TMPRSS7: variants seen among roughly 807,000 people sequenced by gnomAD.
The protein encoded by TMPRSS7 is transmembrane protease serine 7.
A neutral mutation model predicts 95.6 loss-of-function variants in TMPRSS7; 81 were observed. That is an observed-to-expected ratio of 0.85 (90% CI 0.71 to 1.02). The LOEUF (loss-of-function observed/expected upper bound fraction) is 1.02. TMPRSS7 is among the 50% of genes least tolerant of loss of function. TMPRSS7 has a pLI of 0.00. For missense variants in TMPRSS7, 945 were observed against 955.2 expected, an observed-to-expected ratio of 0.99 and a Z score of 0.14; for synonymous variants, 364 against 337.8, an observed-to-expected ratio of 1.08 and a Z score of -0.85.
exon 2 of TMPRSS7, chr3:112,038,292 T>C (rs373934808): frequency 1.7e-5 from 12 of 702,894 alleles, no homozygotes; most frequent in East Asian, 1.3e-4. Context: ...CTAGCAGTCA[T>C]AGCCTGGACA....
intron 13 of TMPRSS7, among the ~76,000 whole-genome samples, chr3:112,068,744 A>C (rs1260412800): frequency 6.6e-6 from 1 of 152,126 alleles, no homozygotes; most frequent in Non-Finnish European, 1.5e-5. Flanking sequence ...GGGTTTTCTA[A>C]ATATACAATC....
exon 11 of TMPRSS7, chr3:112,061,837 C>G (rs976411967): frequency 6.2e-7 from 1 of 1,612,948 alleles, no homozygotes; most frequent in Non-Finnish European, 8.5e-7. Flanking sequence ...GTGCCCAGCC[C>G]TCTGGTTCAC....
At chr3:112,052,924 G>T (rs1024374366) in intron 9 of TMPRSS7, among the ~76,000 whole-genome samples, 1 of 139,110 alleles carries the variant, frequency 7.2e-6, no homozygotes, top group South Asian at 2.3e-4. Context: ...AAATGCTGAA[G>T]AAAAAAAAAA....
intron 9 of TMPRSS7, among the ~76,000 whole-genome samples, chr3:112,054,306 G>T (rs2073402766): frequency 6.6e-6 from 1 of 152,292 alleles, no homozygotes; most frequent in Non-Finnish European, 1.5e-5. Flanking sequence ...CTTGATTAAA[G>T]TTCCCAATGC....
intron 9 of TMPRSS7, among the ~76,000 whole-genome samples, chr3:112,054,906 A>C (rs909625948): frequency 6.6e-6 from 1 of 151,392 alleles, no homozygotes; most frequent in East Asian, 2.0e-4. Context: ...AGTCCAGCTA[A>C]TTTTTTCTAT....
intron 15 of TMPRSS7, 112 bp from the exon 16 acceptor site, chr3:112,076,764 C>A: frequency 7.8e-7 from 1 of 1,274,620 alleles, no homozygotes; most frequent in East Asian, 2.3e-5. Flanking sequence ...TATAATAACA[C>A]CCTGGAAGTC....
intron 9 of TMPRSS7, among the ~76,000 whole-genome samples, chr3:112,051,668 C>CA: frequency 7.8e-6 from 1 of 128,076 alleles, no homozygotes; most frequent in East Asian, 2.4e-4. Flanking sequence ...ATCTATCTAT[C>CA]ATCTATCTAT....
intron 14 of TMPRSS7, among the ~76,000 whole-genome samples, chr3:112,074,871 T>C (rs1212864398): frequency 6.6e-6 from 1 of 152,216 alleles, no homozygotes; most frequent in Non-Finnish European, 1.5e-5. Flanking sequence ...TATACATCTT[T>C]ACCAATACTA....
At chr3:112,067,912 A>C (rs995814645) in intron 13 of TMPRSS7, among the ~76,000 whole-genome samples, 1 of 152,192 alleles carries the variant, frequency 6.6e-6, no homozygotes, top group African/African-American at 2.4e-5. Context: ...GCCCATGCCT[A>C]TGTCCTGAAT....
chr3:112,063,631 C>T (rs150107555), exon 12 of TMPRSS7: 16 of 1,612,552 alleles, frequency 9.9e-6, no homozygotes, highest in Middle Eastern at 1.7e-4. Flanking sequence ...AACTGTTTTG[C>T]GGTGGGTATT....
chr3:112,042,726 T>C (rs1277248007), intron 3 of TMPRSS7, among the ~76,000 whole-genome samples: 6 of 152,236 alleles, frequency 3.9e-5, no homozygotes, highest in African/African-American at 1.4e-4. Flanking sequence ...CCCTATTTAT[T>C]GGATGTTTAG....
intron 3 of TMPRSS7, chr3:112,043,173 G>C (rs557628202): frequency 3.1e-5 from 14 of 449,648 alleles, no homozygotes; most frequent in South Asian, 2.0e-4. Flanking sequence ...TACGTAGCTG[G>C]AATGGCCTAC....
intron 9 of TMPRSS7, among the ~76,000 whole-genome samples, chr3:112,051,933 A>G (rs2073365543): frequency 6.6e-6 from 1 of 152,110 alleles, no homozygotes; most frequent in African/African-American, 2.4e-5. Flanking sequence ...TATTCAACAT[A>G]TTATTGAATG....
chr3:112,048,033 G>GTGTT, intron 7 of TMPRSS7, 66 bp downstream of exon 7: 1 of 1,477,656 alleles, frequency 6.8e-7, no homozygotes, highest in Non-Finnish European at 9.3e-7. Flanking sequence ...TACAGTATCT[G>GTGTT]TGTTCCCCCT....
At position 112,045,631 on chromosome 3, in the gene TMPRSS7, A is replaced by G. The variant is rs2073269273; in HGVS notation, c.498-119A>G. The G allele has an allele frequency of 6.5e-6, 6 of 921,616 alleles. No homozygotes were observed. In the African/African-American group the frequency reaches 8.4e-5, roughly 13 times the overall value. 57.1% of individuals were successfully genotyped at this position (921,616 alleles called of 1,614,324 possible). Reference sequence around the variant, plus strand: ...ACAGACGTCAATGACTACCTAAAGAAGGGAGCTAGCTTCAGTTGAAGGATG... The same window carrying G: ...ACAGACGTCAATGACTACCTAAAGAGGGGAGCTAGCTTCAGTTGAAGGATG... On this transcript the variant is annotated intron_variant, in intron 4 of 17. Coordinates refer to ENST00000452346, the Ensembl canonical transcript of TMPRSS7.
intron 14 of TMPRSS7, among the ~76,000 whole-genome samples, chr3:112,074,767 A>C (rs1344804528): frequency 6.6e-6 from 1 of 152,220 alleles, no homozygotes; most frequent in Non-Finnish European, 1.5e-5. Context: ...AACAATATCA[A>C]GTGCTGTTTC....
chr3:112,067,257 C>T (rs2073588912), intron 13 of TMPRSS7, among the ~76,000 whole-genome samples: 1 of 152,154 alleles, frequency 6.6e-6, no homozygotes, highest in Non-Finnish European at 1.5e-5. Context: ...GGGTCCAAGT[C>T]TTTGCTATTG....
chr3:112,045,713 T>C, intron 4 of TMPRSS7, 37 bp from the exon 5 acceptor site: 18 of 1,514,134 alleles, frequency 1.2e-5, no homozygotes, highest in Non-Finnish European at 1.6e-5. Context: ...TGTAAAGTCC[T>C]ATGAGGTCCC....
At chr3:112,080,984 G>T (rs2073771929) in exon 18 of TMPRSS7, 1 of 1,613,828 alleles carries the variant, frequency 6.2e-7, no homozygotes, top group African/African-American at 1.3e-5. Flanking sequence ...GGCATTGTTA[G>T]CTGGGGACAT....
Sources: gnomAD v4.1 joint callset for allele counts (sites outside exome capture counted in the v4.1 genomes callset) on GRCh38, gnomAD v4.1.1 for gene constraint, MANE v1.5 for transcripts, NCBI Gene and HGNC (gene_info 2026-07-23, HGNC 2026-07-21) for gene names.